ANKS1B: variants seen among roughly 807,000 people sequenced by gnomAD.
ANKS1B encodes the protein ankyrin repeat and sterile alpha motif domain containing 1B, also known as ankyrin repeat and sterile alpha motif domain-containing protein 1B.
A neutral mutation model predicts 148.3 loss-of-function variants in ANKS1B; 36 were observed. The observed-to-expected ratio is 0.24, with a 90% confidence interval of 0.19 to 0.32. ANKS1B has a LOEUF of 0.32. Ranked by LOEUF, ANKS1B falls within the 10% of genes least tolerant of loss-of-function variation. The pLI, the probability that ANKS1B is intolerant of heterozygous loss-of-function variation, is 1.00. For missense variants in ANKS1B, 1,157 were observed against 1,542.6 expected, an observed-to-expected ratio of 0.75 and a Z score of 4.19; for synonymous variants, 542 against 560.8, an observed-to-expected ratio of 0.97 and a Z score of 0.47.
chr12:99,282,643 G>A (rs1043828559), intron 12 of ANKS1B, among the ~76,000 whole-genome samples: 25 of 152,112 alleles, frequency 1.6e-4, no homozygotes, highest in African/African-American at 5.6e-4. Context: ...TTCTATGAAC[G>A]TAGAACTAAC....
At chr12:99,359,380 G>A (rs895978824) in intron 12 of ANKS1B, among the ~76,000 whole-genome samples, 1 of 151,802 alleles carries the variant, frequency 6.6e-6, no homozygotes, top group Admixed American at 6.6e-5. Context: ...ATTCTCCAGG[G>A]TTCATTGCTT....
intron 12 of ANKS1B, among the ~76,000 whole-genome samples, chr12:99,266,542 C>T (rs1281060381): frequency 6.6e-6 from 1 of 152,144 alleles, no homozygotes; most frequent in Non-Finnish European, 1.5e-5. Context: ...AGGTTGTGCT[C>T]TTACCGGCTA....
At chr12:99,677,428 T>C (rs796467886) in intron 8 of ANKS1B, among the ~76,000 whole-genome samples, 2 of 152,200 alleles carry the variant, frequency 1.3e-5, no homozygotes, top group South Asian at 4.1e-4. Flanking sequence ...AGGACTTTTT[T>C]GGAGGAGAGG....
chr12:99,201,955 A>G (rs548724537), intron 14 of ANKS1B, among the ~76,000 whole-genome samples: 1 of 93,716 alleles, frequency 1.1e-5, no homozygotes, highest in South Asian at 4.3e-4. Context: ...ATTTATATTA[A>G]CTAACATCTA....
At chr12:99,218,007 G>A (rs1022169017) in intron 14 of ANKS1B, among the ~76,000 whole-genome samples, 15 of 152,038 alleles carry the variant, frequency 9.9e-5, no homozygotes, top group Non-Finnish European at 4.4e-5. Flanking sequence ...ACAGAGATTA[G>A]GGCTCATGAA....
At chr12:98,894,785 G>A in intron 17 of ANKS1B, 1 of 985,068 alleles carries the variant, frequency 1.0e-6, no homozygotes. Context: ...GGCGAGGCGA[G>A]GGCGAGCGCG....
At chr12:99,226,388 G>A (rs540989847) in intron 14 of ANKS1B, among the ~76,000 whole-genome samples, 13 of 152,114 alleles carry the variant, frequency 8.5e-5, no homozygotes, top group South Asian at 4.1e-4. Context: ...GGTATTTCAC[G>A]TATGTTTTAT....
chr12:99,417,386 T>G (rs1169651033), intron 11 of ANKS1B, among the ~76,000 whole-genome samples: 1 of 152,202 alleles, frequency 6.6e-6, no homozygotes, highest in African/African-American at 2.4e-5. Flanking sequence ...GGGTTCTCTC[T>G]TCTGTCCTAT....
At chr12:99,361,031 G>A (rs1339618690) in intron 12 of ANKS1B, among the ~76,000 whole-genome samples, 2 of 151,944 alleles carry the variant, frequency 1.3e-5, no homozygotes, top group African/African-American at 2.4e-5. Context: ...GTATGAAGAA[G>A]ACCTACTATT....
chr12:99,459,737 G>A (rs1157926476), intron 10 of ANKS1B, among the ~76,000 whole-genome samples: 1 of 151,770 alleles, frequency 6.6e-6, no homozygotes, highest in Admixed American at 6.6e-5. Flanking sequence ...ACAAAACATT[G>A]CTGAAAGAAA....
At chr12:99,545,844 T>C in intron 9 of ANKS1B, among the ~76,000 whole-genome samples, 1 of 151,298 alleles carries the variant, frequency 6.6e-6, no homozygotes, top group Non-Finnish European at 1.5e-5. Flanking sequence ...TTTTCCTCAA[T>C]GACATTGAGA....
chr12:99,075,326 C>G (rs1217640188), intron 16 of ANKS1B, among the ~76,000 whole-genome samples: 1 of 152,150 alleles, frequency 6.6e-6, no homozygotes. Context: ...CCACAAAGAA[C>G]TCCAGGATGG....
chr12:98,791,159 A>G (rs2098845652), intron 22 of ANKS1B, among the ~76,000 whole-genome samples: 1 of 152,116 alleles, frequency 6.6e-6, no homozygotes, highest in Non-Finnish European at 1.5e-5. Context: ...AGCCTGGTCA[A>G]TATGGTGAAA....
At chr12:99,904,457 G>C (rs1372307635) in intron 1 of ANKS1B, among the ~76,000 whole-genome samples, 1 of 152,132 alleles carries the variant, frequency 6.6e-6, no homozygotes. Flanking sequence ...CTCCCACACT[G>C]CTGGGATTAC....
intron 8 of ANKS1B, among the ~76,000 whole-genome samples, chr12:99,748,840 C>G (rs980630906): frequency 1.3e-5 from 2 of 152,034 alleles, no homozygotes; most frequent in African/African-American, 4.8e-5. Flanking sequence ...ACCAGCATAG[C>G]CAAAATTCAG....
At chr12:99,625,512 T>C (rs1016280672) in intron 9 of ANKS1B, among the ~76,000 whole-genome samples, 64 of 152,310 alleles carry the variant, frequency 4.2e-4, no homozygotes, top group African/African-American at 1.5e-3. Context: ...GCATCCTTCT[T>C]ACTTAAAACA....
intron 9 of ANKS1B, among the ~76,000 whole-genome samples, chr12:99,644,768 A>G (rs1182481412): frequency 6.6e-6 from 1 of 152,188 alleles, no homozygotes; most frequent in Non-Finnish European, 1.5e-5. Flanking sequence ...CAAAGTCTAA[A>G]ATGATTCTCT....
chr12:98,798,407 C>T (rs1403009314), intron 22 of ANKS1B, among the ~76,000 whole-genome samples: 1 of 151,770 alleles, frequency 6.6e-6, no homozygotes, highest in Non-Finnish European at 1.5e-5. Flanking sequence ...AGACGTGAGC[C>T]ACTGTGCCCG....
At chr12:99,534,464 A>G (rs1203027431) in intron 9 of ANKS1B, among the ~76,000 whole-genome samples, 1 of 152,226 alleles carries the variant, frequency 6.6e-6, no homozygotes, top group Non-Finnish European at 1.5e-5. Context: ...GCTGAGAGAA[A>G]AGCATTGTGT....
Sources: gnomAD v4.1 joint callset for allele counts (sites outside exome capture counted in the v4.1 genomes callset) on GRCh38, gnomAD v4.1.1 for gene constraint, MANE v1.5 for transcripts, NCBI Gene and HGNC (gene_info 2026-07-23, HGNC 2026-07-21) for gene names.